The following CACNA2D1 variants were observed in gnomAD, a reference collection of about 807,000 sequenced individuals.
CACNA2D1 encodes the protein voltage-dependent calcium channel subunit alpha-2/delta-1.
CACNA2D1 carries 53 observed loss-of-function variants against 171.5 expected under a neutral mutation model. The ratio of observed to expected loss-of-function variants is 0.31; its 90% CI spans 0.25 to 0.39. The LOEUF is 0.39. CACNA2D1 is among the 10% of genes least tolerant of loss of function. CACNA2D1 has a pLI of 1.00. For synonymous variants in CACNA2D1, 442 were observed against 443.1 expected (o/e 1.00, Z 0.03); for missense variants, 903 against 1,299.8 (o/e 0.69, Z 4.69).
intron 3 of CACNA2D1, among the ~76,000 whole-genome samples, chr7:82,240,480 A>G (rs780838112): frequency 4.6e-5 from 7 of 152,204 alleles, no homozygotes; most frequent in Non-Finnish European, 7.3e-5. Context: ...TCATAAGGAC[A>G]TGAATCATAC....
intron 1 of CACNA2D1, among the ~76,000 whole-genome samples, chr7:82,377,628 C>T (rs1172482922): frequency 6.6e-6 from 1 of 152,116 alleles, no homozygotes; most frequent in Non-Finnish European, 1.5e-5. Context: ...TACTAATAAT[C>T]AAGAGTCACT....
intron 3 of CACNA2D1, among the ~76,000 whole-genome samples, chr7:82,313,430 A>G (rs1814723101): frequency 6.6e-6 from 1 of 152,214 alleles, no homozygotes; most frequent in Non-Finnish European, 1.5e-5. Context: ...AGGCTTTCTC[A>G]GAGGCCCTAC....
chr7:82,314,451 A>G (rs931280711), intron 3 of CACNA2D1, among the ~76,000 whole-genome samples: 2 of 152,132 alleles, frequency 1.3e-5, no homozygotes, highest in Non-Finnish European at 2.9e-5. Context: ...CAAAAACAGT[A>G]TTCTTATTTG....
chr7:82,401,252 T>A (rs201673983), intron 1 of CACNA2D1, among the ~76,000 whole-genome samples: 10 of 152,052 alleles, frequency 6.6e-5, no homozygotes, highest in African/African-American at 2.4e-4. Flanking sequence ...AAGACACATG[T>A]ACACGTATGT....
At chr7:81,992,649 T>C (rs1797667131) in intron 20 of CACNA2D1, among the ~76,000 whole-genome samples, 1 of 152,206 alleles carries the variant, frequency 6.6e-6, no homozygotes, top group Non-Finnish European at 1.5e-5. Context: ...GTAAGTTTTT[T>C]CAATATCAGT....
chr7:82,170,680 C>A (rs73387972), intron 3 of CACNA2D1, 71 bp from the exon 4 acceptor site: 41 of 1,356,302 alleles, frequency 3.0e-5, no homozygotes, highest in Non-Finnish European at 4.2e-5. Context: ...AAAATGCTTG[C>A]GCTTTCTAAT....
chr7:82,170,511 T>C lies in CACNA2D1; in HGVS notation c.354+39A>G. 5 of 1,377,542 alleles carry C rather than the reference T, an allele frequency of 3.6e-6. No individual in the cohort carries two copies. The South Asian group carries it at 4.6e-5, about 13-fold the overall frequency. 85.3% of individuals were successfully genotyped at this position (1,377,542 alleles called of 1,614,324 possible). ...CATGTAATTATCCATACACAATATGTCAAGCTATTTAAATCAAGTAGTTAA... is the reference window on the plus strand; with the variant it reads ...CATGTAATTATCCATACACAATATGCCAAGCTATTTAAATCAAGTAGTTAA... On this transcript the variant is annotated intron_variant, in intron 4 of 38. Coordinates refer to ENST00000356860, the MANE Select transcript of CACNA2D1 (RefSeq NM_000722.4).
intron 1 of CACNA2D1, among the ~76,000 whole-genome samples, chr7:82,409,083 T>C (rs966244608): frequency 6.6e-6 from 1 of 152,114 alleles, no homozygotes; most frequent in Non-Finnish European, 1.5e-5. Flanking sequence ...ACACACAGCT[T>C]TGAAATATTA....
chr7:81,962,455 G>C lies in CACNA2D1; in HGVS notation c.2821C>G (p.Arg941Gly), dbSNP rs1346738610. 3 of 1,605,174 alleles carry C rather than the reference G, an allele frequency of 1.9e-6. No individual in the cohort carries two copies. Among genetic ancestry groups the C allele is most frequent in the African/African-American group, 2.7e-5 (2 of 74,612 alleles). Residue 941 changes from arginine to glycine, a missense_variant, in exon 35 of 39, where the codon CGA (arginine) becomes GGA (glycine). By Grantham distance (125) the Arg-to-Gly change is moderately radical. This residue lies in a region of CACNA2D1 where 623 missense variants were observed against 925.5 expected (regional missense o/e 0.67). Coordinates refer to ENST00000356860, the MANE Select transcript of CACNA2D1 (RefSeq NM_000722.4). ...ATTTACATACCTGCCTCAAGGAGTCGTGGAAAGGTCAAACTCAAGAGAAAC... is the reference window on the plus strand; with the variant it reads ...ATTTACATACCTGCCTCAAGGAGTCCTGGAAAGGTCAAACTCAAGAGAAAC... ...QQFLLSLTFPRLLEAVEMEDD... is the reference protein window; with the variant it reads ...QQFLLSLTFPGLLEAVEMEDD...
At chr7:82,133,309 C>T (rs1487313989) in intron 5 of CACNA2D1, among the ~76,000 whole-genome samples, 1 of 152,136 alleles carries the variant, frequency 6.6e-6, no homozygotes. Context: ...GGCTCAGAAA[C>T]TTTCACAAGT....
At chr7:82,084,500 G>A (rs1230695220) in intron 7 of CACNA2D1, among the ~76,000 whole-genome samples, 4 of 152,168 alleles carry the variant, frequency 2.6e-5, no homozygotes, top group Non-Finnish European at 5.9e-5. Context: ...GTAATTTCCT[G>A]TTCCAGGTAT....
chr7:81,956,279 T>TA (rs1407650407), intron 38 of CACNA2D1, among the ~76,000 whole-genome samples: 6 of 151,898 alleles, frequency 4.0e-5, no homozygotes, highest in African/African-American at 1.4e-4. Context: ...CAGCCGTTGC[T>TA]ATAAGTTTTT....
rs529287273 is a variant in CACNA2D1 at position 82,082,273 on chromosome 7, C to T, written c.658+2496G>A. Among the ~76,000 whole-genome samples the T allele has an allele frequency of 6.6e-5, 10 of 152,154 alleles. No homozygotes were observed. In the South Asian group the frequency reaches 2.1e-3, roughly 32 times the overall value. On this transcript the variant is annotated intron_variant, in intron 7 of 38. Coordinates refer to ENST00000356860, the MANE Select transcript of CACNA2D1 (RefSeq NM_000722.4). ...CCACATTTCATGGGTTCTTGTCACA[C>T]TTCCAAGAAGAATGAGGTTACGCAG...
At position 82,133,945 on chromosome 7, in the gene CACNA2D1, C is replaced by T. The variant is rs572128282; in HGVS notation, c.396+2690G>A. Reference sequence around the variant, plus strand: ...AAAATTAGCTGGGCATGGTGGCGGGCGCCTGTAGTCCCAGCTACTCAGGAG... The same window carrying T: ...AAAATTAGCTGGGCATGGTGGCGGGTGCCTGTAGTCCCAGCTACTCAGGAG... On this transcript the variant is annotated intron_variant, in intron 5 of 38. Transcript: ENST00000356860. Among the ~76,000 whole-genome samples, 52 of 151,918 alleles carry T rather than the reference C, an allele frequency of 3.4e-4. 1 individual carries two copies. The East Asian group carries it at 9.7e-3, about 28-fold the overall frequency.
chr7:81,965,524 G>A (rs2130333771), intron 32 of CACNA2D1, 70 bp downstream of exon 32: 2 of 827,668 alleles, frequency 2.4e-6, no homozygotes, highest in East Asian at 4.9e-5. Context: ...AACACTGAAA[G>A]AGGTTTTGTA....
intron 5 of CACNA2D1, among the ~76,000 whole-genome samples, chr7:82,120,841 C>A (rs1789646279): frequency 6.9e-6 from 1 of 145,444 alleles, no homozygotes; most frequent in African/African-American, 2.6e-5. Flanking sequence ...CACCACTGCA[C>A]TCCAGTCTGG....
At chr7:82,387,709 T>C (rs1322042768) in intron 1 of CACNA2D1, among the ~76,000 whole-genome samples, 1 of 152,118 alleles carries the variant, frequency 6.6e-6, no homozygotes, top group Non-Finnish European at 1.5e-5. Flanking sequence ...TAAATGCAAG[T>C]AAAAGTGGCA....
chr7:82,295,630 A>G (rs1812177143), intron 3 of CACNA2D1, among the ~76,000 whole-genome samples: 1 of 151,794 alleles, frequency 6.6e-6, no homozygotes, highest in Admixed American at 6.6e-5. Context: ...TGTTGAGATT[A>G]CTCAGCCTCC....
At chr7:82,065,224 T>C (rs1297375954) in intron 8 of CACNA2D1, among the ~76,000 whole-genome samples, 1 of 152,190 alleles carries the variant, frequency 6.6e-6, no homozygotes, top group East Asian at 1.9e-4. Flanking sequence ...TAGTTCTATG[T>C]GTTGAGGAAG....
Sources: gnomAD v4.1 joint callset for allele counts (sites outside exome capture counted in the v4.1 genomes callset) on GRCh38, gnomAD v4.1.1 for gene constraint, gnomAD v4.1.1 regional missense constraint, MANE v1.5 for transcripts, NCBI Gene and HGNC (gene_info 2026-07-23, HGNC 2026-07-21) for gene names.